ANK1: variants seen among roughly 807,000 people sequenced by gnomAD.
The protein encoded by ANK1 is ankyrin-1.
Under a neutral mutation model 210.4 loss-of-function variants are expected in ANK1, and 51 were observed. That is an observed-to-expected ratio of 0.24 (90% CI 0.19 to 0.31). The LOEUF (loss-of-function observed/expected upper bound fraction) is 0.31. Ranked by LOEUF, ANK1 falls within the 10% of genes least tolerant of loss-of-function variation. The pLI, the probability that ANK1 is intolerant of heterozygous loss-of-function variation, is 1.00. For synonymous variants in ANK1, 967 were observed against 1,025.9 expected, an observed-to-expected ratio of 0.94 and a Z score of 1.10; for missense variants, 2,051 against 2,504.4, an observed-to-expected ratio of 0.82 and a Z score of 3.86.
At chr8:41,776,756 T>G (rs956270694) in intron 1 of ANK1, among the ~76,000 whole-genome samples, 2 of 152,246 alleles carry the variant, frequency 1.3e-5, no homozygotes, top group African/African-American at 4.8e-5. Context: ...TACCTATGCC[T>G]CTTTAATTTT....
At chr8:41,745,332 T>A (rs996873082) in intron 2 of ANK1, among the ~76,000 whole-genome samples, 2 of 152,168 alleles carry the variant, frequency 1.3e-5, no homozygotes, top group African/African-American at 4.8e-5. Context: ...GAAAGTGTCC[T>A]TACTTTTGGA....
At position 41,734,016 on chromosome 8, in the gene ANK1, C is replaced by G. The variant is rs61753680; in HGVS notation, c.183G>C (p.Val61=). ...TGATTTCTTTGTGCAGAAGTTCAAC[C>G]ACCATTTTCACATGGCCTTCCTTAG... is the stretch of plus-strand genomic sequence containing the variant. The part of the protein sequence containing the change: ...LASKEGHVKM[V]VELLHKEIIL... Residue 61 remains valine (V), a synonymous_variant, in exon 3 of 43, where the codon GTG becomes GTC. Transcript: ENST00000289734. The G allele has an allele frequency of 0.019, 30,279 of 1,614,130 alleles. 379 individuals carry two copies. Among genetic ancestry groups the G allele is most frequent in the South Asian group, 0.033 (2,969 of 91,076 alleles).
intron 20 of ANK1, 68 bp downstream of exon 20, chr8:41,703,973 G>T: frequency 7.0e-7 from 1 of 1,421,940 alleles, no homozygotes. Context: ...TCTACGGTTA[G>T]GGGAGTTCAC....
intron 1 of ANK1, among the ~76,000 whole-genome samples, chr8:41,776,989 C>G (rs970262369): frequency 6.6e-6 from 1 of 152,178 alleles, no homozygotes; most frequent in East Asian, 1.9e-4. Context: ...TGAAGGGAAC[C>G]ATTTTCTTTC....
At chr8:41,677,170 A>G (rs1814420572) in intron 37 of ANK1, among the ~76,000 whole-genome samples, 2 of 152,208 alleles carry the variant, frequency 1.3e-5, no homozygotes, top group Admixed American at 6.5e-5. Flanking sequence ...TACCTATAGA[A>G]TCTGTAGATA....
chr8:41,742,203 T>G (rs1687565690), intron 2 of ANK1, among the ~76,000 whole-genome samples: 1 of 152,270 alleles, frequency 6.6e-6, no homozygotes, highest in African/African-American at 2.4e-5. Flanking sequence ...TTGTTCTCGT[T>G]AAATTATTCC....
chr8:41,839,880 T>C (rs1808528555), intron 1 of ANK1, among the ~76,000 whole-genome samples: 1 of 152,230 alleles, frequency 6.6e-6, no homozygotes, highest in Non-Finnish European at 1.5e-5. Flanking sequence ...GGACGTCTAG[T>C]TAATAAAACT....
chr8:41,796,973 C>A (rs1008574425), intron 1 of ANK1, among the ~76,000 whole-genome samples: 1 of 152,168 alleles, frequency 6.6e-6, no homozygotes, highest in African/African-American at 2.4e-5. Context: ...AGACATATTT[C>A]TCTCCATGAA....
intron 37 of ANK1, among the ~76,000 whole-genome samples, chr8:41,683,159 T>C (rs1298845771): frequency 6.6e-6 from 1 of 151,890 alleles, no homozygotes; most frequent in Non-Finnish European, 1.5e-5. Context: ...ATGAGATGCG[T>C]GGGGAGACAG....
At chr8:41,665,016 G>A (rs536747411) in intron 39 of ANK1, 2 of 1,613,742 alleles carry the variant, frequency 1.2e-6, no homozygotes, top group South Asian at 2.2e-5. Context: ...GGTGACGAAA[G>A]TCCACATCCT....
intron 1 of ANK1, among the ~76,000 whole-genome samples, chr8:41,813,172 T>C (rs1212572135): frequency 2.0e-5 from 3 of 152,234 alleles, no homozygotes; most frequent in Non-Finnish European, 4.4e-5. Flanking sequence ...GCAGTTTGAA[T>C]GTCTCTGGCG....
chr8:41,892,475 G>A (rs1819640436), intron 1 of ANK1, among the ~76,000 whole-genome samples: 1 of 152,154 alleles, frequency 6.6e-6, no homozygotes, highest in Non-Finnish European at 1.5e-5. Flanking sequence ...CTCCTTGTGA[G>A]TGCCTGGCTC....
chr8:41,732,518 T>C (rs1033485676), intron 3 of ANK1, among the ~76,000 whole-genome samples: 18 of 152,050 alleles, frequency 1.2e-4, no homozygotes, highest in Non-Finnish European at 2.1e-4. Flanking sequence ...GTTCAAGCGA[T>C]TCTCCTGCCT....
chr8:41,888,803 C>T (rs898632998), intron 1 of ANK1, among the ~76,000 whole-genome samples: 5 of 152,200 alleles, frequency 3.3e-5, no homozygotes, highest in African/African-American at 7.2e-5. Context: ...TTCATTTGCA[C>T]TCTGTGTTAA....
Position 41,717,608 on chromosome 8 carries a change from T to C in ANK1, c.1301A>G (p.Asn434Ser), listed in dbSNP as rs1033281536. The change falls in exon 12 of 43, where the codon AAC becomes AGC. Residue 434 changes from asparagine (N) to serine (S), a missense_variant. Transcript: ENST00000289734. ...CCTGCCTGCCTGAGGGCTTACCACG[T>C]TGGAGACGTTGGGCGACGCCCCCCG... ...LQRGASPNVSNVKVETPLHMA... is the reference protein window; with the variant it reads ...LQRGASPNVSSVKVETPLHMA... The C allele has an allele frequency of 3.2e-6, 5 of 1,551,292 alleles. No individual in the cohort carries two copies. In the African/African-American group the frequency reaches 4.1e-5, roughly 13 times the overall value.
In ANK1 at chr8:41,694,705, C is replaced by T; in HGVS notation, c.3214G>A (p.Asp1072Asn). Residue 1072 changes from aspartate (D) to asparagine (N), a missense_variant, in exon 28 of 43, where the codon GAC (aspartate) becomes AAC (asparagine). Physicochemically the swap from Asp to Asn is conservative, Grantham distance 23. Transcript: ENST00000289734. This position sits in a 1 kb window ranked among gnomAD's most constrained non-coding sequence, Gnocchi z 5.7. ...YFVIMSRLCQ[D>N]YDTIGPEGGS... ...CCTTCGGGACCGATGGTGTCGTAGTCCTGGCAGAGCCGTGACATGATCACG... is the reference window on the plus strand; with the variant it reads ...CCTTCGGGACCGATGGTGTCGTAGTTCTGGCAGAGCCGTGACATGATCACG... 6.2e-7 allele frequency: 1 copy of T among 1,614,176 alleles called. No homozygotes were observed. Among genetic ancestry groups the T allele is most frequent in the Non-Finnish European group, 8.5e-7 (1 of 1,180,026 alleles).
intron 2 of ANK1, among the ~76,000 whole-genome samples, chr8:41,755,826 C>T (rs1838999644): frequency 6.6e-6 from 1 of 152,206 alleles, no homozygotes; most frequent in African/African-American, 2.4e-5. Context: ...ACCACAATGT[C>T]CTCTGGGCTG....
intron 1 of ANK1, among the ~76,000 whole-genome samples, chr8:41,841,500 C>T (rs57724230): frequency 0.016 from 2,421 of 152,250 alleles, 67 homozygotes; most frequent in African/African-American, 0.055. Context: ...GCACCAAGCA[C>T]TGAAGCATTT....
chr8:41,703,096 G>T (rs1344070371), intron 20 of ANK1, among the ~76,000 whole-genome samples: 4 of 151,960 alleles, frequency 2.6e-5, no homozygotes, highest in Non-Finnish European at 4.4e-5. Flanking sequence ...TTCCCAAGGT[G>T]CTGGGATTAC....
Sources: allele counts gnomAD v4.1 joint callset (sites outside exome capture counted in the v4.1 genomes callset), GRCh38; gene constraint gnomAD v4.1.1; non-coding constraint Gnocchi (gnomAD v3.1); transcripts MANE v1.5; gene names NCBI Gene and HGNC (gene_info 2026-07-23, HGNC 2026-07-21).